Variants in NBAS observed in about 807,000 individuals in gnomAD.
NBAS encodes NAG/BC035112 fusion.
NBAS carries 219 observed loss-of-function variants against 302.5 expected under a neutral mutation model. The ratio of observed to expected loss-of-function variants is 0.72; its 90% CI spans 0.65 to 0.81. NBAS has a LOEUF of 0.81. NBAS is among the 30% of genes least tolerant of loss of function. The pLI, the probability that NBAS is intolerant of heterozygous loss-of-function variation, is 0.00. For missense variants in NBAS, 2,932 were observed against 2,841.6 expected (o/e 1.03, Z -0.72); for synonymous variants, 1,118 against 1,021.6 (o/e 1.09, Z -1.80).
intron 44 of NBAS, among the ~76,000 whole-genome samples, chr2:15,257,110 T>C (rs1668633790): frequency 6.6e-6 from 1 of 152,224 alleles, no homozygotes; most frequent in Non-Finnish European, 1.5e-5. Context: ...TTTGGAATAG[T>C]TTCAGTAAGA....
At chr2:14,893,272 G>T in the NBAS span, among the ~76,000 whole-genome samples, 5,682 of 152,120 alleles carry the variant, frequency 0.037, 134 homozygotes, top group Non-Finnish European at 0.051. Flanking sequence ...TGAAGACCAT[G>T]ATCTAATTTT....
intron 23 of NBAS, among the ~76,000 whole-genome samples, chr2:15,423,760 A>G (rs1677320407): frequency 1.3e-5 from 2 of 152,250 alleles, no homozygotes; most frequent in Admixed American, 1.3e-4. Context: ...AAAGTCTATT[A>G]GCTGAAGAGT....
At chr2:15,320,785 G>A (rs1235550877) in intron 38 of NBAS, among the ~76,000 whole-genome samples, 2 of 152,126 alleles carry the variant, frequency 1.3e-5, no homozygotes, top group Non-Finnish European at 2.9e-5. Context: ...CTTATGGATA[G>A]GAAAAATCAA....
At chr2:15,160,597 G>T in the NBAS span, among the ~76,000 whole-genome samples, 2 of 132,770 alleles carry the variant, frequency 1.5e-5, 1 homozygote, top group Non-Finnish European at 3.2e-5. Context: ...GGGGGAGGGG[G>T]GGGGGCAGGA....
At chr2:15,263,547 C>G (rs56850682) in intron 44 of NBAS, among the ~76,000 whole-genome samples, 6,815 of 152,246 alleles carry the variant, frequency 0.045, 254 homozygotes, top group African/African-American at 0.099. Flanking sequence ...CTGGCCTCAT[C>G]CTATGCTCCA....
intron 47 of NBAS, among the ~76,000 whole-genome samples, chr2:15,229,618 C>T (rs561809299): frequency 1.3e-5 from 2 of 151,716 alleles, no homozygotes; most frequent in Admixed American, 1.3e-4. Flanking sequence ...CCCATCTCTA[C>T]TAAGAATACA....
At position 15,352,995 on chromosome 2, in the gene NBAS, GCCTGACTAGCTA is replaced by G. The variant is rs139889305; in HGVS notation, c.4089+546_4089+557del. Among the ~76,000 whole-genome samples the G allele has an allele frequency of 3.9e-4, 60 of 152,238 alleles. 1 individual carries two copies. In the East Asian group the frequency reaches 6.8e-3, roughly 17 times the overall value. On this transcript the variant is annotated intron_variant, in intron 34 of 51. Coordinates refer to ENST00000281513, the MANE Select transcript of NBAS (RefSeq NM_015909.4). Reference sequence around the variant, plus strand: ...GCCCTCTCCCGTCTTGCTCATGTCTGCCTGACTAGCTACCAACTGTAAGAGAATGACTATGGG... The same window carrying G: ...GCCCTCTCCCGTCTTGCTCATGTCTGCCAACTGTAAGAGAATGACTATGGG...
the NBAS span, among the ~76,000 whole-genome samples, chr2:15,108,265 T>C: frequency 6.6e-6 from 1 of 152,164 alleles, no homozygotes; most frequent in Non-Finnish European, 1.5e-5. Context: ...GCACTTTTAA[T>C]TTACCTAATT....
chr2:15,423,184 C>T (rs1200906653), intron 23 of NBAS, among the ~76,000 whole-genome samples: 3 of 152,130 alleles, frequency 2.0e-5, no homozygotes, highest in Admixed American at 6.6e-5. Context: ...TTATAAAATA[C>T]GGAATTAAAG....
the NBAS span, among the ~76,000 whole-genome samples, chr2:14,809,252 A>G: frequency 6.6e-6 from 1 of 152,230 alleles, no homozygotes; most frequent in Non-Finnish European, 1.5e-5. Context: ...CAATGGGGAA[A>G]ATGTTTCCAG....
At chr2:14,885,368 T>C in the NBAS span, among the ~76,000 whole-genome samples, 1 of 151,980 alleles carries the variant, frequency 6.6e-6, no homozygotes, top group Non-Finnish European at 1.5e-5. Flanking sequence ...TGTTTTTGGA[T>C]TGAGTAATAA....
At chr2:15,535,555 T>TAAAC (rs1553334471) in intron 8 of NBAS, among the ~76,000 whole-genome samples, 75 of 91,552 alleles carry the variant, frequency 8.2e-4, no homozygotes, top group African/African-American at 2.2e-3. Flanking sequence ...AATAAATAAA[T>TAAAC]AAATAAATAA....
the NBAS span, among the ~76,000 whole-genome samples, chr2:15,128,391 C>T: frequency 1.2e-4 from 18 of 152,294 alleles, no homozygotes; most frequent in Admixed American, 1.1e-3. Flanking sequence ...TTCCAAAGCA[C>T]ATCTGTTCTC....
intron 42 of NBAS, among the ~76,000 whole-genome samples, 178 bp from the exon 43 acceptor site, chr2:15,277,279 T>A (rs1333139088): frequency 6.6e-6 from 1 of 152,166 alleles, no homozygotes; most frequent in Non-Finnish European, 1.5e-5. Context: ...ATGTGTTAGA[T>A]GCCTACTAAC....
At chr2:15,270,929 T>G (rs1669289780) in intron 44 of NBAS, among the ~76,000 whole-genome samples, 1 of 152,192 alleles carries the variant, frequency 6.6e-6, no homozygotes, top group Non-Finnish European at 1.5e-5. Flanking sequence ...ATAAACATTT[T>G]AATGTCAGTT....
the NBAS span, among the ~76,000 whole-genome samples, chr2:15,011,561 C>T: frequency 1.3e-5 from 2 of 152,078 alleles, no homozygotes; most frequent in African/African-American, 4.8e-5. Flanking sequence ...GAGAACTAGC[C>T]CTGCCAACTT....
chr2:15,427,348 A>G (rs1158314555), intron 22 of NBAS, among the ~76,000 whole-genome samples: 1 of 152,118 alleles, frequency 6.6e-6, no homozygotes, highest in African/African-American at 2.4e-5. Context: ...GAGGCTTCCC[A>G]AAGTTAAATC....
intron 40 of NBAS, among the ~76,000 whole-genome samples, chr2:15,299,494 T>C (rs749468224): frequency 3.3e-5 from 5 of 152,222 alleles, no homozygotes; most frequent in Non-Finnish European, 7.3e-5. Flanking sequence ...AGGTGGTGTG[T>C]TTCCCCTTTA....
rs114953598 is a variant in NBAS, at chr2:15,390,090, C to A, written c.3257+4137G>T. On this transcript the variant is annotated intron_variant, in intron 28 of 51. Coordinates refer to ENST00000281513, the MANE Select transcript of NBAS (RefSeq NM_015909.4). ...TATTCAGACAAGTAGAAGCCATAAA[C>A]GCCTACAATAAAACTGCCTGAGGCT... Among the ~76,000 whole-genome samples the A allele has an allele frequency of 1.1e-3, 173 of 152,198 alleles. No homozygotes were observed. The Middle Eastern group carries it at 0.024, about 21-fold the overall frequency.
Sources: allele counts gnomAD v4.1 joint callset (sites outside exome capture counted in the v4.1 genomes callset), GRCh38; gene constraint gnomAD v4.1.1; transcripts MANE v1.5; gene names NCBI Gene and HGNC (gene_info 2026-07-23, HGNC 2026-07-21).